RGS6: variants seen among roughly 807,000 people sequenced by gnomAD.
The protein encoded by RGS6 is regulator of G protein signaling 6.
Under a neutral mutation model 78.5 loss-of-function variants are expected in RGS6, and 30 were observed. That is an observed-to-expected ratio of 0.38 (90% CI 0.29 to 0.52). The LOEUF (loss-of-function observed/expected upper bound fraction) is 0.52. Ranked by LOEUF, RGS6 falls within the 20% of genes least tolerant of loss-of-function variation. The pLI is 0.85. For synonymous variants in RGS6, 206 were observed against 206.0 expected (o/e 1.00, Z 0.00); for missense variants, 495 against 609.7 (o/e 0.81, Z 1.98).
chr14:72,047,842 C>T (rs1010559127), intron 2 of RGS6, among the ~76,000 whole-genome samples: 1 of 151,400 alleles, frequency 6.6e-6, no homozygotes, highest in Non-Finnish European at 1.5e-5. Context: ...TCTCATGCCT[C>T]AGCCTCCAGA....
chr14:72,197,027 C>T (rs1352641934), intron 2 of RGS6, among the ~76,000 whole-genome samples: 1 of 152,108 alleles, frequency 6.6e-6, no homozygotes, highest in Non-Finnish European at 1.5e-5. Context: ...TGTTCAGAAT[C>T]CCCCTCAGCC....
At chr14:72,210,099 G>A (rs1049050052) in intron 2 of RGS6, among the ~76,000 whole-genome samples, 1 of 152,130 alleles carries the variant, frequency 6.6e-6, no homozygotes, top group African/African-American at 2.4e-5. Flanking sequence ...TCCCAGAATC[G>A]CTTTTTTCCT....
intron 3 of RGS6, among the ~76,000 whole-genome samples, chr14:72,370,295 C>A (rs1030971209): frequency 1.3e-5 from 2 of 152,088 alleles, no homozygotes; most frequent in African/African-American, 2.4e-5. Flanking sequence ...ATTTGGTAAT[C>A]CAAGAGAGCA....
intron 2 of RGS6, among the ~76,000 whole-genome samples, chr14:72,207,998 T>A (rs2043101408): frequency 6.6e-6 from 1 of 152,194 alleles, no homozygotes; most frequent in Admixed American, 6.5e-5. Context: ...CTGCAGTTGC[T>A]GTAATTGGAA....
intron 17 of RGS6, among the ~76,000 whole-genome samples, chr14:72,542,757 C>G (rs1229920888): frequency 6.6e-6 from 1 of 151,766 alleles, no homozygotes; most frequent in Non-Finnish European, 1.5e-5. Flanking sequence ...CCAGAACATG[C>G]CAATGTCCTT....
chr14:72,092,565 A>G (rs1298709385), intron 2 of RGS6, among the ~76,000 whole-genome samples: 1 of 151,956 alleles, frequency 6.6e-6, no homozygotes, highest in Non-Finnish European at 1.5e-5. Context: ...TATTTTTAGT[A>G]GAAATGGGGT....
At chr14:72,434,669 C>T (rs1411876158) in intron 3 of RGS6, among the ~76,000 whole-genome samples, 1 of 152,080 alleles carries the variant, frequency 6.6e-6, no homozygotes, top group Non-Finnish European at 1.5e-5. Context: ...CCACATCTTA[C>T]TTGGCATTGT....
intron 2 of RGS6, among the ~76,000 whole-genome samples, chr14:72,256,123 CAGAATG>C (rs1204916536): frequency 6.6e-6 from 1 of 152,186 alleles, no homozygotes; most frequent in African/African-American, 2.4e-5. Flanking sequence ...AGTCAAGTGA[CAGAATG>C]AGAGGCATTT....
At chr14:72,600,936 G>A in the RGS6 span, among the ~76,000 whole-genome samples, 1 of 151,752 alleles carries the variant, frequency 6.6e-6, no homozygotes, top group Non-Finnish European at 1.5e-5. Flanking sequence ...GCGGGAAAGA[G>A]GCAAAGATGA....
rs535643696 is a variant in RGS6 at position 72,051,421 on chromosome 14, C to T, written c.84+86546C>T. On this transcript the variant is annotated intron_variant, in intron 2 of 17. Transcript: ENST00000553525. ...TTCTTTACGTATGGAAAATTAGCGC[C>T]GAAATTGGTAAAGGAAAAACTGTTA... is the stretch of plus-strand genomic sequence containing the variant. 3.3e-5 allele frequency among the ~76,000 whole-genome samples: 5 copies of T among 150,286 alleles called. No individual in the cohort carries two copies. In the South Asian group the frequency reaches 6.5e-4, roughly 19 times the overall value.
intron 2 of RGS6, among the ~76,000 whole-genome samples, chr14:72,293,215 A>AT (rs2063968936): frequency 6.6e-6 from 1 of 152,108 alleles, no homozygotes; most frequent in Non-Finnish European, 1.5e-5. Context: ...CCATCTGTCT[A>AT]TTTTGGTTCA....
At chr14:72,462,040 C>T (rs1287462916) in intron 6 of RGS6, among the ~76,000 whole-genome samples, 3 of 152,140 alleles carry the variant, frequency 2.0e-5, no homozygotes, top group South Asian at 4.1e-4. Context: ...GTGACCGTCT[C>T]ACCAGGAAGC....
the RGS6 span, among the ~76,000 whole-genome samples, chr14:71,887,863 A>T: frequency 6.6e-6 from 1 of 151,880 alleles, no homozygotes; most frequent in Non-Finnish European, 1.5e-5. Context: ...TCTTTGTTAG[A>T]CCCTTACTAG....
chr14:72,459,807 T>G, intron 6 of RGS6, 124 bp downstream of exon 6: 2 of 901,064 alleles, frequency 2.2e-6, no homozygotes, highest in Non-Finnish European at 3.7e-6. Flanking sequence ...TTCTGCTTAG[T>G]CCTTTCTCAT....
chr14:72,508,396 A>C (rs1172291360), intron 13 of RGS6, among the ~76,000 whole-genome samples: 1 of 152,144 alleles, frequency 6.6e-6, no homozygotes, highest in Non-Finnish European at 1.5e-5. Flanking sequence ...AATTCAGTTC[A>C]TCAGTCACAC....
the RGS6 span, among the ~76,000 whole-genome samples, chr14:71,907,555 T>G: frequency 2.6e-5 from 4 of 151,910 alleles, no homozygotes; most frequent in East Asian, 7.7e-4. Context: ...TCCTTGCTTG[T>G]AGACCATGTT....
chr14:71,983,965 G>A (rs1239085178), intron 2 of RGS6, among the ~76,000 whole-genome samples: 2 of 152,166 alleles, frequency 1.3e-5, no homozygotes, highest in East Asian at 3.9e-4. Context: ...AGCACTGTGT[G>A]GGGAATAAAA....
chr14:71,997,575 G>A (rs543676976), intron 2 of RGS6, among the ~76,000 whole-genome samples: 1 of 152,138 alleles, frequency 6.6e-6, no homozygotes, highest in Admixed American at 6.5e-5. Context: ...TTAACCCTTG[G>A]TGCATATGGT....
chr14:71,997,293 A>G (rs1313949519), intron 2 of RGS6, among the ~76,000 whole-genome samples: 3 of 152,138 alleles, frequency 2.0e-5, no homozygotes, highest in Admixed American at 6.5e-5. Context: ...GGTTAAATTC[A>G]CACTTGGGCA....
Sources: allele counts gnomAD v4.1 joint callset (sites outside exome capture counted in the v4.1 genomes callset), GRCh38; gene constraint gnomAD v4.1.1; transcripts MANE v1.5; gene names NCBI Gene and HGNC (gene_info 2026-07-23, HGNC 2026-07-21).